KDM5B: variants seen among roughly 807,000 people sequenced by gnomAD.
KDM5B encodes the protein lysine demethylase 5B.
A neutral mutation model predicts 193.4 loss-of-function variants in KDM5B; 144 were observed. That is an observed-to-expected ratio of 0.74 (90% CI 0.65 to 0.86). KDM5B has a LOEUF of 0.86. KDM5B is among the 40% of genes least tolerant of loss of function. The probability of loss-of-function intolerance (pLI) is 0.00; values close to 1 mark genes in which losing one functional copy is unlikely to be tolerated. For missense variants in KDM5B, 1,833 were observed against 1,886.9 expected (o/e 0.97, Z 0.53); for synonymous variants, 668 against 682.6 (o/e 0.98, Z 0.33).
rs1369936143 is a variant in KDM5B at position 202,764,154 on chromosome 1, AATTGTC to A, written c.712-15_712-10del. ...ATTTTAATATTCATGGCCTTAAAAA[AATTGTC>A]ATATACATGAATATTTCCTTTAAGA... On this transcript the variant is annotated splice_polypyrimidine_tract_variant and intron_variant, in intron 5 of 26. Coordinates refer to ENST00000367265, the MANE Select transcript of KDM5B (RefSeq NM_006618.5). The A allele has an allele frequency of 7.3e-7, 1 of 1,366,212 alleles. No homozygotes were observed. Among genetic ancestry groups the A allele is most frequent in the East Asian group, 2.4e-5 (1 of 41,366 alleles). 84.6% of individuals were successfully genotyped at this position (1,366,212 alleles called of 1,614,324 possible). A position where few individuals can be genotyped will look rare whatever the true frequency, so the allele number is the denominator to read the frequency against.
intron 8 of KDM5B, among the ~76,000 whole-genome samples, chr1:202,759,880 A>G (rs779156015): frequency 3.9e-5 from 6 of 152,230 alleles, no homozygotes; most frequent in Admixed American, 1.3e-4. Context: ...AAAAATAATA[A>G]TAAGATACTT....
intron 4 of KDM5B, among the ~76,000 whole-genome samples, chr1:202,771,398 A>ATT (rs35164548): frequency 0.42 from 58,669 of 139,582 alleles, 13,240 homozygotes; most frequent in Non-Finnish European, 0.5. Context: ...CATCCAGCTA[A>ATT]TTTTTTTTTT....
chr1:202,736,094 G>A, intron 21 of KDM5B, 119 bp downstream of exon 21: 1 of 703,432 alleles, frequency 1.4e-6, no homozygotes, highest in Non-Finnish European at 2.1e-6. Context: ...TGGCTTTACG[G>A]GAAGAACAAC....
intron 21 of KDM5B, 47 bp downstream of exon 21, chr1:202,736,166 A>T: frequency 4.4e-6 from 6 of 1,376,392 alleles, no homozygotes; most frequent in Non-Finnish European, 5.8e-6. Flanking sequence ...ATGTTTTACC[A>T]AACTAGGAGA....
chr1:202,782,199 T>G (rs370577727), intron 1 of KDM5B, among the ~76,000 whole-genome samples: 1 of 152,144 alleles, frequency 6.6e-6, no homozygotes, highest in African/African-American at 2.4e-5. Context: ...CTCTTCTGGT[T>G]ATAAAGAATG....
chr1:202,766,309 T>A, intron 5 of KDM5B: 3 of 276,506 alleles, frequency 1.1e-5, no homozygotes, highest in South Asian at 9.2e-5. Context: ...ATCGAGACCA[T>A]CCTGGCTAAC....
rs1033819825 is a variant in KDM5B, at chr1:202,767,325, T to C, written c.577-265A>G. On this transcript the variant is annotated intron_variant, in intron 4 of 26. Coordinates refer to ENST00000367265, the MANE Select transcript of KDM5B (RefSeq NM_006618.5). Reference sequence around the variant, plus strand: ...TCTTAGCTAGTAACGACCACTTGTTTTCCACTGAAAATGGCAAATTCTTCC... The same window carrying C: ...TCTTAGCTAGTAACGACCACTTGTTCTCCACTGAAAATGGCAAATTCTTCC... 8 of 1,609,092 alleles carry C rather than the reference T, an allele frequency of 5.0e-6. No individual in the cohort carries two copies. In the African/African-American group the frequency reaches 8.0e-5, roughly 16 times the overall value.
chr1:202,762,374 G>T (rs1656287169), intron 7 of KDM5B, among the ~76,000 whole-genome samples: 1 of 152,186 alleles, frequency 6.6e-6, no homozygotes, highest in Admixed American at 6.5e-5. Context: ...GTAGAAGTGA[G>T]CTAGTGATTT....
In KDM5B at chr1:202,764,054, TCA is replaced by T. The variant is rs1399515645; in HGVS notation, c.801_802del (p.Cys267Ter). On this transcript the variant is annotated stop_gained and frameshift_variant, in exon 6 of 27. Coordinates refer to ENST00000367265, the MANE Select transcript of KDM5B (RefSeq NM_006618.5). LOFTEE classifies it high-confidence loss of function. ...TCATTGACAAATTTTCTTACCATTT[TCA>T]CATTTTGGAGTTGGACAACCCATTC... 1 of 1,546,284 alleles carries T rather than the reference TCA, an allele frequency of 6.5e-7. No homozygotes were observed.
In KDM5B at chr1:202,745,886, A is replaced by G; in HGVS notation, c.2295T>C (p.Ala765=). 6 of 1,614,032 alleles carry G rather than the reference A, an allele frequency of 3.7e-6. No homozygotes were observed. Among genetic ancestry groups the G allele is most frequent in the Non-Finnish European group, 5.1e-6 (6 of 1,179,936 alleles). ...TCTTCTTGTTGATCTTTGCCTCCAA[A>G]GCTTCATTCACATTCAAGGCCCATT... is the stretch of plus-strand genomic sequence containing the variant. ...YNEWALNVNE[A]LEAKINKKKS... Residue 765 remains alanine (A), a synonymous_variant, in exon 16 of 27, where the codon GCT becomes GCC. Transcript: ENST00000367265.
At chr1:202,737,841 T>A (rs1655152668) in intron 20 of KDM5B, among the ~76,000 whole-genome samples, 1 of 152,296 alleles carries the variant, frequency 6.6e-6, no homozygotes, top group Middle Eastern at 3.4e-3. Context: ...GTTTCTGGGT[T>A]AGACAAACAG....
chr1:202,730,985 T>C lies in KDM5B; in HGVS notation c.4100A>G (p.Tyr1367Cys). The C allele has an allele frequency of 6.2e-7, 1 of 1,613,852 alleles. No individual in the cohort carries two copies. Among genetic ancestry groups the C allele is most frequent in the Non-Finnish European group, 8.5e-7 (1 of 1,179,880 alleles). Residue 1367 changes from tyrosine (Y) to cysteine (C), a missense_variant, in exon 25 of 27, where the codon TAC (tyrosine) becomes TGC (cysteine). Tyr to Cys is a radical substitution (Grantham distance 194). This residue lies in a region of KDM5B where 1,379 missense variants were observed against 1,349.6 expected (regional missense o/e 1.02). Transcript: ENST00000367265. ...QVSLPEIQELYQTLLAKPSPA... is the reference protein window; with the variant it reads ...QVSLPEIQELCQTLLAKPSPA... ...GCTTGGCTTTGCAAGTAAAGTCTGG[T>C]AAAGTTCCTGAATTTCAGGAAGGGA...
intron 3 of KDM5B, among the ~76,000 whole-genome samples, chr1:202,774,109 T>C (rs1238712656): frequency 2.6e-5 from 4 of 152,186 alleles, no homozygotes; most frequent in African/African-American, 9.7e-5. Context: ...AAGAAATAGC[T>C]TGCAGAATTT....
At chr1:202,788,029 G>T (rs1454762273) in intron 1 of KDM5B, among the ~76,000 whole-genome samples, 1 of 152,154 alleles carries the variant, frequency 6.6e-6, no homozygotes, top group African/African-American at 2.4e-5. Context: ...GGAAGTAACT[G>T]CCCTATTGAA....
At chr1:202,749,686 C>A (rs999630279) in intron 13 of KDM5B, among the ~76,000 whole-genome samples, 7 of 151,028 alleles carry the variant, frequency 4.6e-5, no homozygotes, top group Admixed American at 3.9e-4. Context: ...AAAAAAAAGA[C>A]CCAGCATATT....
chr1:202,732,043 A>C, intron 23 of KDM5B, 104 bp from the exon 24 acceptor site: 17 of 251,464 alleles, frequency 6.8e-5, no homozygotes, highest in East Asian at 1.2e-4. Flanking sequence ...CAACCAGGGG[A>C]AAAAAAAAAA....
At chr1:202,795,379 C>T (rs922718689) in intron 1 of KDM5B, among the ~76,000 whole-genome samples, 4 of 151,382 alleles carry the variant, frequency 2.6e-5, no homozygotes, top group African/African-American at 9.7e-5. Context: ...AAGCTGGGCG[C>T]AGTGGCTCAC....
At position 202,808,386 on chromosome 1, in the gene KDM5B, A is replaced by T. The variant is rs183251284; in HGVS notation, c.-81T>A. The T allele has an allele frequency of 2.0e-3, 2,683 of 1,323,666 alleles. 24 individuals carry two copies. The highest frequency in any genetic ancestry group is 1.3e-3 in the Non-Finnish European group (1,281 of 991,644). The allele number at this position is 1,323,666 out of a possible 1,614,324, so 82.0% of individuals were successfully genotyped here. A position where few individuals can be genotyped will look rare whatever the true frequency, so the allele number is the denominator to read the frequency against. ...GCTCCGCTCGGTCCGAGACCCGTGC[A>T]GACGCGGCTCGAGCAACAGCAAGTC... On this transcript the variant is annotated 5_prime_UTR_variant, in exon 1 of 27. Transcript: ENST00000367265.
intron 1 of KDM5B, among the ~76,000 whole-genome samples, chr1:202,785,009 CAAAA>C (rs11445160): frequency 1.1e-5 from 1 of 89,390 alleles, no homozygotes; most frequent in Non-Finnish European, 2.4e-5. Context: ...GAGCCTGTCT[CAAAA>C]AAAAAAAAAA....
Sources: gnomAD v4.1 joint callset for allele counts (sites outside exome capture counted in the v4.1 genomes callset) on GRCh38, gnomAD v4.1.1 for gene constraint, gnomAD v4.1.1 regional missense constraint, MANE v1.5 for transcripts, NCBI Gene and HGNC (gene_info 2026-07-23, HGNC 2026-07-21) for gene names.